Variants in IL34 observed in about 807,000 individuals in gnomAD.
IL34 encodes interleukin 34, also known as interleukin-34.
In IL34, 17 loss-of-function variants were observed where a neutral mutation model predicts 25.3. That is an observed-to-expected ratio of 0.67 (90% CI 0.46 to 1.01). IL34 has a LOEUF of 1.01. IL34 is among the 50% of genes least tolerant of loss of function. The probability of loss-of-function intolerance (pLI) is 0.00; values close to 1 mark genes in which losing one functional copy is unlikely to be tolerated. For missense variants in IL34, 368 were observed against 312.9 expected (o/e 1.18, Z -1.33); for synonymous variants, 174 against 140.9 (o/e 1.23, Z -1.66).
intron 1 of IL34, among the ~76,000 whole-genome samples, chr16:70,625,792 G>A (rs536038126): frequency 3.3e-5 from 5 of 152,138 alleles, no homozygotes; most frequent in Non-Finnish European, 7.4e-5. Context: ...GAAGTGTGAC[G>A]CCAAGATTGA....
intron 1 of IL34, among the ~76,000 whole-genome samples, chr16:70,632,397 A>C (rs1597760568): frequency 6.6e-6 from 1 of 152,338 alleles, no homozygotes; most frequent in East Asian, 1.9e-4. Context: ...ATGAAGTTAA[A>C]AACAAAATCT....
chr16:70,619,668 G>A (rs891709835), intron 1 of IL34, among the ~76,000 whole-genome samples: 30 of 152,142 alleles, frequency 2.0e-4, no homozygotes, highest in South Asian at 2.1e-4. Context: ...AGAGTTACTC[G>A]AAGCTCAGCG....
chr16:70,631,408 A>T (rs1174069512), intron 1 of IL34, among the ~76,000 whole-genome samples: 1 of 152,070 alleles, frequency 6.6e-6, no homozygotes, highest in Admixed American at 6.6e-5. Flanking sequence ...TGGAGTTAGA[A>T]AAAACTACAG....
upstream of IL34, among the ~76,000 whole-genome samples, chr16:70,642,122 T>G (rs2051798486): frequency 6.6e-6 from 1 of 152,092 alleles, no homozygotes; most frequent in Admixed American, 6.6e-5. Context: ...GCTGGAACTT[T>G]GAGATCAGGG....
intron 1 of IL34, among the ~76,000 whole-genome samples, chr16:70,605,012 A>G (rs561280466): frequency 3.3e-5 from 5 of 152,274 alleles, no homozygotes; most frequent in African/African-American, 1.2e-4. Flanking sequence ...TCTCAGAACC[A>G]GGATTAGGCT....
At chr16:70,592,081 CT>C (rs1413084948) in intron 1 of IL34, among the ~76,000 whole-genome samples, 1 of 126,110 alleles carries the variant, frequency 7.9e-6, no homozygotes, top group East Asian at 2.3e-4. Context: ...GGTCCTTCTA[CT>C]CCCCCCACCA....
chr16:70,631,885 T>C (rs1011687173), intron 1 of IL34, among the ~76,000 whole-genome samples: 2 of 151,642 alleles, frequency 1.3e-5, no homozygotes, highest in African/African-American at 4.8e-5. Context: ...ATCCCAGGAG[T>C]TCAAGACCAG....
intron 1 of IL34, among the ~76,000 whole-genome samples, chr16:70,630,700 A>G (rs1184975771): frequency 1.4e-5 from 2 of 147,666 alleles, no homozygotes; most frequent in Non-Finnish European, 3.0e-5. Flanking sequence ...CAGCTTCCCA[A>G]GTAGCTGTGA....
At chr16:70,659,951 C>CT (rs1431354456) in intron 5 of IL34, 46 bp from the exon 6 acceptor site, 8 of 1,529,932 alleles carry the variant, frequency 5.2e-6, no homozygotes, top group South Asian at 1.3e-5. Context: ...GGAGGGTGGT[C>CT]TTGAACACTG....
rs187151903 is a variant in IL34, at chr16:70,632,120, G to T, written c.-400-14428G>T. Among the ~76,000 whole-genome samples, 24 of 144,038 alleles carry T rather than the reference G, an allele frequency of 1.7e-4. No homozygotes were observed. The East Asian group carries it at 5.0e-3, about 30-fold the overall frequency. 94.5% of individuals were successfully genotyped at this position (144,038 alleles called of 152,430 possible). The stretch of plus-strand genomic sequence containing the variant: ...CTGTCTCAAAAAAAAAAAAAAAAAA[G>T]AGAAGATAATAGTTCCCAACTCCAG... On this transcript the variant is annotated intron_variant, in intron 1 of 6. Coordinates refer to the IL34 transcript ENST00000429149.
intron 1 of IL34, among the ~76,000 whole-genome samples, chr16:70,606,778 A>C (rs2051012024): frequency 6.6e-6 from 1 of 152,018 alleles, no homozygotes; most frequent in Non-Finnish European, 1.5e-5. Flanking sequence ...TGTAGAGGCA[A>C]GGTCTCACTA....
chr16:70,627,368 C>G lies in IL34; in HGVS notation c.-400-19180C>G, dbSNP rs1057396726. On this transcript the variant is annotated intron_variant, in intron 1 of 6. Transcript: ENST00000429149. ...TGCAACTATTACCAGCGTGTAGAAG[C>G]CCCCCACCAGATCCCCAAACACTCA... Among the ~76,000 whole-genome samples, 7 of 151,808 alleles carry G rather than the reference C, an allele frequency of 4.6e-5. No individual in the cohort carries two copies. In the East Asian group the frequency reaches 1.4e-3, roughly 29 times the overall value.
chr16:70,652,353 G>C (rs1455635112), intron 1 of IL34, among the ~76,000 whole-genome samples: 1 of 152,128 alleles, frequency 6.6e-6, no homozygotes, highest in Non-Finnish European at 1.5e-5. Context: ...CAGTTACTGG[G>C]AGGCTGAGGC....
intron 1 of IL34, among the ~76,000 whole-genome samples, chr16:70,589,974 T>A (rs1487641667): frequency 7.9e-5 from 12 of 152,178 alleles, no homozygotes; most frequent in African/African-American, 2.4e-4. Flanking sequence ...TTTACAGGGT[T>A]CGTGAGGACA....
chr16:70,591,426 G>A (rs1173109934), intron 1 of IL34, among the ~76,000 whole-genome samples: 2 of 152,032 alleles, frequency 1.3e-5, no homozygotes, highest in East Asian at 1.9e-4. Context: ...CCAGTTAGCC[G>A]GGCGTGGTGG....
intron 1 of IL34, among the ~76,000 whole-genome samples, chr16:70,624,299 A>G (rs28825742): frequency 0.1 from 15,755 of 150,744 alleles, 2,692 homozygotes; most frequent in African/African-American, 0.35. Context: ...TGGTTCAGGC[A>G]TTTGGAAGTT....
chr16:70,595,490 T>A (rs2050809188), intron 1 of IL34, among the ~76,000 whole-genome samples: 1 of 151,696 alleles, frequency 6.6e-6, no homozygotes, highest in Non-Finnish European at 1.5e-5. Context: ...CTGCTAATTT[T>A]TATTTTTAAT....
intron 1 of IL34, among the ~76,000 whole-genome samples, chr16:70,624,973 G>A (rs1459164793): frequency 6.6e-6 from 1 of 151,966 alleles, no homozygotes; most frequent in African/African-American, 2.4e-5. Context: ...ACTAGGAAGG[G>A]ACTGATGTGT....
chr16:70,638,660 C>T (rs774586565), intron 1 of IL34, among the ~76,000 whole-genome samples: 12 of 152,226 alleles, frequency 7.9e-5, no homozygotes, highest in Non-Finnish European at 1.6e-4. Context: ...CTTTCTGTGT[C>T]AGCCACGGCT....
Sources: gnomAD v4.1 joint callset for allele counts (sites outside exome capture counted in the v4.1 genomes callset) on GRCh38, gnomAD v4.1.1 for gene constraint, MANE v1.5 for transcripts, NCBI Gene and HGNC (gene_info 2026-07-23, HGNC 2026-07-21) for gene names.